The following NBEA variants were observed in gnomAD, a reference collection of about 807,000 sequenced individuals.
The protein encoded by NBEA is neurobeachin, also known as lysosomal-trafficking regulator 2.
NBEA carries 44 observed loss-of-function variants against 343.4 expected under a neutral mutation model. That is an observed-to-expected ratio of 0.13 (90% CI 0.10 to 0.16). NBEA has a LOEUF of 0.16. NBEA is among the 10% of genes least tolerant of loss of function. The probability of loss-of-function intolerance (pLI) is 1.00; values close to 1 mark genes in which losing one functional copy is unlikely to be tolerated. For synonymous variants in NBEA, 1,175 were observed against 1,238.7 expected, an observed-to-expected ratio of 0.95 and a Z score of 1.08; for missense variants, 2,555 against 3,631.3, an observed-to-expected ratio of 0.70 and a Z score of 7.62.
chr13:35,052,073 A>G (rs750951333), intron 6 of NBEA, among the ~76,000 whole-genome samples: 4 of 152,024 alleles, frequency 2.6e-5, no homozygotes, highest in Non-Finnish European at 5.9e-5. Flanking sequence ...TCTAGTTAGG[A>G]GCAGGGCCAG....
chr13:35,452,086 G>C lies in NBEA; in HGVS notation c.6305-6G>C. On this transcript the variant is annotated splice_polypyrimidine_tract_variant and splice_region_variant and intron_variant, in intron 39 of 58. Coordinates refer to ENST00000379939, the MANE Select transcript of NBEA (RefSeq NM_001385012.1). ...ACCTAAATGATTATATTTTTGTTGT[G>C]ATTAGGCACGGAAGAAGATGTAGTA... The C allele has an allele frequency of 6.2e-7, 1 of 1,607,066 alleles. No individual in the cohort carries two copies. Among genetic ancestry groups the C allele is most frequent in the African/African-American group, 1.3e-5 (1 of 74,688 alleles).
chr13:35,158,353 T>C (rs2069322820), intron 21 of NBEA, among the ~76,000 whole-genome samples: 1 of 152,066 alleles, frequency 6.6e-6, no homozygotes, highest in Non-Finnish European at 1.5e-5. Flanking sequence ...CAATTATAAA[T>C]TTACATTTTG....
At chr13:35,253,261 T>C (rs952772447) in intron 34 of NBEA, among the ~76,000 whole-genome samples, 10 of 152,212 alleles carry the variant, frequency 6.6e-5, no homozygotes, top group Non-Finnish European at 2.9e-5. Flanking sequence ...TGTTAACAAA[T>C]TGAAGGTTTG....
chr13:35,135,123 C>T (rs1306094529), intron 17 of NBEA, among the ~76,000 whole-genome samples: 1 of 151,978 alleles, frequency 6.6e-6, no homozygotes, highest in Non-Finnish European at 1.5e-5. Context: ...CCCTGTTTTG[C>T]TTCACTAGTA....
At chr13:35,107,568 A>C (rs2065978385) in intron 11 of NBEA, among the ~76,000 whole-genome samples, 1 of 151,940 alleles carries the variant, frequency 6.6e-6, no homozygotes, top group Admixed American at 6.6e-5. Flanking sequence ...GAACTTAGTA[A>C]CCTCTAACAT....
Position 35,041,112 on chromosome 13 carries a change from G to T in NBEA, c.474G>T (p.Gly158=), listed in dbSNP as rs1426935334. The change falls in exon 2 of 59, where the codon GGG becomes GGT. Residue 158 remains glycine, a synonymous_variant. Transcript: ENST00000379939. The part of the protein sequence containing the change: ...VRNLQTSTEV[G]LIEQVLLKMS... ...ATTTACAGACTAGCACAGAAGTTGG[G>T]CTAATTGAACAAGTATTGCTGAAAA... The T allele has an allele frequency of 6.8e-6, 11 of 1,612,698 alleles. No homozygotes were observed. Among genetic ancestry groups the T allele is most frequent in the Non-Finnish European group, 1.7e-6 (2 of 1,179,438 alleles).
chr13:35,638,462 T>C (rs2083796307), intron 49 of NBEA, among the ~76,000 whole-genome samples: 1 of 152,152 alleles, frequency 6.6e-6, no homozygotes, highest in Admixed American at 6.5e-5. Flanking sequence ...GGCCAGGCAC[T>C]GCCAAAACGG....
At chr13:35,354,080 A>C (rs1270151477) in intron 38 of NBEA, among the ~76,000 whole-genome samples, 1 of 152,130 alleles carries the variant, frequency 6.6e-6, no homozygotes, top group East Asian at 1.9e-4. Context: ...CCTTTACTTA[A>C]AGTTAACTGA....
At chr13:35,522,357 A>G (rs1226627322) in intron 41 of NBEA, among the ~76,000 whole-genome samples, 3 of 151,736 alleles carry the variant, frequency 2.0e-5, no homozygotes, top group African/African-American at 7.3e-5. Context: ...AATCCCAGCT[A>G]CTTGGGCAGC....
chr13:35,476,863 C>CTA, intron 41 of NBEA: 2 of 943,228 alleles, frequency 2.1e-6, no homozygotes, highest in East Asian at 1.1e-4. Flanking sequence ...CGGCGGAAAA[C>CTA]CACTCAGGCC....
chr13:35,661,006 A>G (rs528312018), intron 55 of NBEA, among the ~76,000 whole-genome samples: 129 of 152,266 alleles, frequency 8.5e-4, no homozygotes, highest in African/African-American at 2.9e-3. Context: ...TAGACCACTC[A>G]TCCACCCCAT....
chr13:35,286,658 C>T (rs1295760432), intron 34 of NBEA, among the ~76,000 whole-genome samples: 1 of 152,014 alleles, frequency 6.6e-6, no homozygotes, highest in African/African-American at 2.4e-5. Flanking sequence ...TATCATTGTA[C>T]CTTTTAGTAG....
At chr13:35,173,627 T>C in intron 27 of NBEA, 33 bp downstream of exon 27, 1 of 1,580,276 alleles carries the variant, frequency 6.3e-7, no homozygotes, top group Non-Finnish European at 8.6e-7. Context: ...CCAAATATAA[T>C]TTACCTGAAA....
intron 43 of NBEA, 141 bp downstream of exon 43, chr13:35,551,173 A>T: frequency 2.1e-6 from 1 of 487,006 alleles, no homozygotes; most frequent in South Asian, 4.5e-5. Context: ...ATTTGTAGGG[A>T]TAGAGATTAT....
intron 10 of NBEA, among the ~76,000 whole-genome samples, chr13:35,094,350 A>T (rs536812793): frequency 1.9e-4 from 29 of 152,172 alleles, no homozygotes; most frequent in African/African-American, 6.5e-4. Flanking sequence ...GTGCTATCTT[A>T]TGTATCCATC....
chr13:35,594,941 A>T (rs1476782734), intron 47 of NBEA, among the ~76,000 whole-genome samples: 1 of 142,154 alleles, frequency 7.0e-6, no homozygotes, highest in African/African-American at 2.8e-5. Flanking sequence ...CTGTTGTTTG[A>T]CATCATCACA....
At position 35,070,815 on chromosome 13, in the gene NBEA, A is replaced by C. The variant is rs7995564; in HGVS notation, c.1534A>C (p.Arg512=). 0.09 allele frequency: 145,012 copies of C among 1,610,128 alleles called. 7,453 individuals carry two copies. Among genetic ancestry groups the C allele is most frequent in the African/African-American group, 0.17 (13,007 of 74,820 alleles). The change falls in exon 10 of 59, where the codon AGG becomes CGG. Residue 512 remains arginine (R), a synonymous_variant. Transcript: ENST00000379939. The part of the protein sequence containing the change: ...LFPLFAQLDN[R]QLNDSQVETT... ...TCCACTTTTTGCCCAATTGGATAAT[A>C]GGCAGCTCAATGACAGTCAAGTGGA... is the stretch of plus-strand genomic sequence containing the variant.
rs1003404624 is a variant in NBEA at position 35,430,341 on chromosome 13, C to A, written c.6180-1928C>A. On this transcript the variant is annotated intron_variant, in intron 38 of 58. Transcript: ENST00000379939. ...TTGTTCTTGCTGATTTGTCTGGATTCCTGTTGCCCAATGTATAGATTATGA... is the reference window on the plus strand; with the variant it reads ...TTGTTCTTGCTGATTTGTCTGGATTACTGTTGCCCAATGTATAGATTATGA... Among the ~76,000 whole-genome samples, 4 of 152,050 alleles carry A rather than the reference C, an allele frequency of 2.6e-5. No individual in the cohort carries two copies. In the East Asian group the frequency reaches 7.7e-4, roughly 29 times the overall value.
intron 46 of NBEA, among the ~76,000 whole-genome samples, chr13:35,586,075 C>T (rs2081280708): frequency 6.6e-6 from 1 of 152,134 alleles, no homozygotes; most frequent in Admixed American, 6.6e-5. Flanking sequence ...AATTTTTCCC[C>T]TTATTAAGAT....
Sources: allele counts gnomAD v4.1 joint callset (sites outside exome capture counted in the v4.1 genomes callset), GRCh38; gene constraint gnomAD v4.1.1; transcripts MANE v1.5; gene names NCBI Gene and HGNC (gene_info 2026-07-23, HGNC 2026-07-21).